NR6A1: variants seen among roughly 807,000 people sequenced by gnomAD.
NR6A1 encodes retinoic acid receptor-related testis-associated receptor.
A neutral mutation model predicts 59.1 loss-of-function variants in NR6A1; 7 were observed. The observed-to-expected ratio is 0.12, with a 90% CI of 0.07 to 0.22. The LOEUF is 0.22. Ranked by LOEUF, NR6A1 falls within the 10% of genes least tolerant of loss-of-function variation. The pLI is 1.00. For synonymous variants in NR6A1, 243 were observed against 236.1 expected, an observed-to-expected ratio of 1.03 and a Z score of -0.27; for missense variants, 468 against 611.6, an observed-to-expected ratio of 0.77 and a Z score of 2.48.
At chr9:124,692,088 GGTT>G (rs1469064991) in intron 2 of NR6A1, among the ~76,000 whole-genome samples, 1 of 152,058 alleles carries the variant, frequency 6.6e-6, no homozygotes, top group Non-Finnish European at 1.5e-5. Flanking sequence ...GGAAAATGTG[GGTT>G]GTTGAGAATT....
intron 6 of NR6A1, among the ~76,000 whole-genome samples, chr9:124,537,490 C>G (rs893626491): frequency 3.9e-5 from 6 of 152,278 alleles, no homozygotes; most frequent in African/African-American, 1.4e-4. Context: ...CTCAGGATAC[C>G]TTCCTGGGAG....
intron 2 of NR6A1, among the ~76,000 whole-genome samples, chr9:124,592,581 A>G (rs564364309): frequency 8.5e-5 from 13 of 152,312 alleles, no homozygotes; most frequent in African/African-American, 2.9e-4. Flanking sequence ...AGGCATCCAG[A>G]TATTTTTCCT....
intron 2 of NR6A1, among the ~76,000 whole-genome samples, chr9:124,678,972 T>G (rs1838042337): frequency 6.6e-6 from 1 of 152,024 alleles, no homozygotes; most frequent in Non-Finnish European, 1.5e-5. Context: ...TCCCAGCTAC[T>G]CAGGAGGCTG....
intron 2 of NR6A1, among the ~76,000 whole-genome samples, chr9:124,692,827 G>T (rs554707727): frequency 6.6e-6 from 1 of 152,158 alleles, no homozygotes. Flanking sequence ...GAAACAGGAC[G>T]TAGCAAGTAA....
intron 2 of NR6A1, among the ~76,000 whole-genome samples, chr9:124,666,879 T>A (rs1036542588): frequency 6.6e-6 from 1 of 152,108 alleles, no homozygotes; most frequent in African/African-American, 2.4e-5. Flanking sequence ...AATCTCAGGT[T>A]CCTTCCCTGG....
At chr9:124,759,053 G>C (rs1840715352) in intron 1 of NR6A1, among the ~76,000 whole-genome samples, 1 of 151,938 alleles carries the variant, frequency 6.6e-6, no homozygotes, top group African/African-American at 2.4e-5. Context: ...TCAATGTTTG[G>C]GCTCCTCTCT....
At chr9:124,763,416 A>G (rs1174412926) in intron 1 of NR6A1, among the ~76,000 whole-genome samples, 1 of 152,234 alleles carries the variant, frequency 6.6e-6, no homozygotes, top group Non-Finnish European at 1.5e-5. Context: ...ATGTCTTAGC[A>G]TTACGATTAA....
intron 2 of NR6A1, among the ~76,000 whole-genome samples, chr9:124,601,254 C>T (rs527953756): frequency 2.6e-4 from 40 of 151,522 alleles, no homozygotes; most frequent in African/African-American, 7.5e-4. Flanking sequence ...CTAACCTGGC[C>T]GACAGAGCGA....
intron 2 of NR6A1, among the ~76,000 whole-genome samples, chr9:124,664,575 C>T (rs1398057786): frequency 6.6e-6 from 1 of 152,186 alleles, no homozygotes; most frequent in Non-Finnish European, 1.5e-5. Context: ...ACTGCTGAAG[C>T]AGACAGACGG....
At chr9:124,770,549 G>A (rs1257712986) in intron 1 of NR6A1, among the ~76,000 whole-genome samples, 2 of 151,064 alleles carry the variant, frequency 1.3e-5, no homozygotes, top group Non-Finnish European at 1.5e-5. Flanking sequence ...GGGGAAAAGA[G>A]AGGCTCTGCG....
intron 2 of NR6A1, among the ~76,000 whole-genome samples, chr9:124,688,558 C>T (rs977995797): frequency 2.0e-5 from 3 of 152,204 alleles, no homozygotes; most frequent in Non-Finnish European, 4.4e-5. Flanking sequence ...ACCACTGCTA[C>T]TGGGTTATAC....
Position 124,766,573 on chromosome 9 carries a change from T to TA in NR6A1, c.100+4446dup, listed in dbSNP as rs1241305297. On this transcript the variant is annotated intron_variant, in intron 1 of 9. Coordinates refer to ENST00000487099, the MANE Select transcript of NR6A1 (RefSeq NM_033334.4). ...AATAAGGCACTTTTACTGTCCTACTTAAAAAAAACAGACTGACCCAACAAT... is the reference window on the plus strand; with the variant it reads ...AATAAGGCACTTTTACTGTCCTACTTAAAAAAAAACAGACTGACCCAACAAT... 7.9e-5 allele frequency among the ~76,000 whole-genome samples: 12 copies of TA among 152,104 alleles called. 1 individual carries two copies. Among genetic ancestry groups the TA allele is most frequent in the African/African-American group, 1.9e-4 (8 of 41,494 alleles).
At chr9:124,757,436 T>C (rs1338294896) in intron 1 of NR6A1, among the ~76,000 whole-genome samples, 1 of 140,822 alleles carries the variant, frequency 7.1e-6, no homozygotes. Flanking sequence ...AACGTAATAG[T>C]ATATACTGTA....
chr9:124,689,675 C>A (rs1838460149), intron 2 of NR6A1, among the ~76,000 whole-genome samples: 1 of 152,160 alleles, frequency 6.6e-6, no homozygotes. Context: ...CTCACCATTA[C>A]CTAAACATTT....
At chr9:124,589,926 G>A (rs12685139) in intron 2 of NR6A1, among the ~76,000 whole-genome samples, 3,675 of 151,798 alleles carry the variant, frequency 0.024, 126 homozygotes, top group East Asian at 0.096. Context: ...TCAGCTGGGC[G>A]TGGTGGCGCA....
At chr9:124,581,165 A>T (rs181371180) in intron 2 of NR6A1, among the ~76,000 whole-genome samples, 11 of 152,358 alleles carry the variant, frequency 7.2e-5, no homozygotes, top group Admixed American at 7.2e-4. Context: ...ACCCTAGAAG[A>T]AAACCTAGGC....
chr9:124,530,255 C>T lies in NR6A1; in HGVS notation c.1080-3355G>A, dbSNP rs562395042. 5.2e-4 allele frequency among the ~76,000 whole-genome samples: 79 copies of T among 152,302 alleles called. 1 individual carries two copies. Among genetic ancestry groups the T allele is most frequent in the Middle Eastern group, 6.8e-3 (2 of 294 alleles). On this transcript the variant is annotated intron_variant, in intron 7 of 9. Coordinates refer to ENST00000487099, the MANE Select transcript of NR6A1 (RefSeq NM_033334.4). The stretch of plus-strand genomic sequence containing the variant: ...CAAAATTCCTCCAACAGGCAGCCAC[C>T]GTGGACCCCCAGCAGTGATGGGGGC...
At chr9:124,561,739 C>T (rs183613572) in intron 2 of NR6A1, among the ~76,000 whole-genome samples, 7 of 152,142 alleles carry the variant, frequency 4.6e-5, no homozygotes, top group Non-Finnish European at 8.8e-5. Context: ...TGGTGAAACC[C>T]TGTCTCTACT....
At chr9:124,723,237 T>C (rs1191984965) in intron 2 of NR6A1, among the ~76,000 whole-genome samples, 1 of 152,228 alleles carries the variant, frequency 6.6e-6, no homozygotes, top group Non-Finnish European at 1.5e-5. Context: ...GTATGCTTTC[T>C]GTAAGACCTT....
Sources: gnomAD v4.1 joint callset for allele counts (sites outside exome capture counted in the v4.1 genomes callset) on GRCh38, gnomAD v4.1.1 for gene constraint, MANE v1.5 for transcripts, NCBI Gene and HGNC (gene_info 2026-07-23, HGNC 2026-07-21) for gene names.